HERPUD2: variants seen among roughly 807,000 people sequenced by gnomAD.
HERPUD2 encodes the protein homocysteine-responsive endoplasmic reticulum-resident ubiquitin-like domain member 2 protein.
Under a neutral mutation model 49.9 loss-of-function variants are expected in HERPUD2, and 13 were observed. The ratio of observed to expected loss-of-function variants is 0.26; its 90% CI spans 0.17 to 0.41. The LOEUF (loss-of-function observed/expected upper bound fraction) is 0.41, where lower values mean the gene tolerates loss of function less well. HERPUD2 is among the 10% of genes least tolerant of loss of function. The probability of loss-of-function intolerance (pLI) is 1.00; values close to 1 mark genes in which losing one functional copy is unlikely to be tolerated. For synonymous variants in HERPUD2, 172 were observed against 171.4 expected (o/e 1.00, Z -0.03); for missense variants, 449 against 492.2 (o/e 0.91, Z 0.83).
chr7:35,653,733 C>T (rs1324248836), intron 5 of HERPUD2, among the ~76,000 whole-genome samples: 6 of 150,742 alleles, frequency 4.0e-5, no homozygotes, highest in Non-Finnish European at 8.9e-5. Context: ...AACGGAATAA[C>T]ACTAGAAATC....
chr7:35,664,124 A>G (rs909578687), intron 5 of HERPUD2, among the ~76,000 whole-genome samples: 9 of 152,144 alleles, frequency 5.9e-5, no homozygotes, highest in African/African-American at 1.9e-4. Context: ...GTTTGTCTGT[A>G]AAGGATTTTA....
intron 2 of HERPUD2, among the ~76,000 whole-genome samples, chr7:35,682,109 C>A (rs1336928479): frequency 1.3e-5 from 2 of 151,910 alleles, no homozygotes; most frequent in Non-Finnish European, 2.9e-5. Context: ...ATGGTATCAG[C>A]TCACTGCAAC....
chr7:35,649,550 T>C (rs1447702910), intron 5 of HERPUD2, among the ~76,000 whole-genome samples: 1 of 152,174 alleles, frequency 6.6e-6, no homozygotes, highest in Non-Finnish European at 1.5e-5. Context: ...GGGGATACCC[T>C]AGTTTTATAC....
chr7:35,694,097 A>T, intron 2 of HERPUD2, 87 bp downstream of exon 2: 1 of 1,415,610 alleles, frequency 7.1e-7, no homozygotes, highest in South Asian at 1.2e-5. Context: ...TTGATTCAAG[A>T]CTGGAGGGGA....
chr7:35,672,948 C>A (rs543939969), intron 3 of HERPUD2, among the ~76,000 whole-genome samples: 1 of 152,148 alleles, frequency 6.6e-6, no homozygotes, highest in East Asian at 1.9e-4. Context: ...CATTTTCTTA[C>A]AAAAAATGAC....
intron 2 of HERPUD2, among the ~76,000 whole-genome samples, chr7:35,693,555 CT>C (rs950369084): frequency 1.1e-3 from 159 of 144,252 alleles, no homozygotes; most frequent in Admixed American, 9.7e-4. Flanking sequence ...AGTGCTTTAT[CT>C]TTTTTTTTTT....
intron 5 of HERPUD2, among the ~76,000 whole-genome samples, chr7:35,658,197 G>A (rs957390104): frequency 9.9e-5 from 15 of 152,126 alleles, no homozygotes; most frequent in African/African-American, 3.6e-4. Context: ...GGCACTGGAG[G>A]TCATTATGTT....
intron 5 of HERPUD2, among the ~76,000 whole-genome samples, chr7:35,644,060 C>A (rs1785009709): frequency 1.3e-5 from 2 of 151,914 alleles, no homozygotes; most frequent in Non-Finnish European, 2.9e-5. Flanking sequence ...ACAAATAAAG[C>A]AAATAAGTAA....
intron 5 of HERPUD2, among the ~76,000 whole-genome samples, chr7:35,664,108 G>C (rs1414537722): frequency 1.3e-5 from 2 of 152,112 alleles, no homozygotes; most frequent in Non-Finnish European, 2.9e-5. Flanking sequence ...AAATCTCTCA[G>C]CATTTGTTTG....
rs867817120 is a variant in HERPUD2, at chr7:35,682,369, A to G, written c.148-9091T>C. ...TGTGTGTGTGTGTGTATATATATAT[A>G]TATATATATATATATATACTTAATC... On this transcript the variant is annotated intron_variant, in intron 2 of 8. Coordinates refer to ENST00000311350, the MANE Select transcript of HERPUD2 (RefSeq NM_022373.5). Among the ~76,000 whole-genome samples, 35 of 106,460 alleles carry G rather than the reference A, an allele frequency of 3.3e-4. 3 individuals are homozygous for G. The highest frequency in any genetic ancestry group is 7.8e-4 in the African/African-American group (26 of 33,266). The allele number at this position is 106,460 out of a possible 152,430, so 69.8% of individuals were successfully genotyped here. A position where few individuals can be genotyped will look rare whatever the true frequency, so the allele number is the denominator to read the frequency against.
chr7:35,687,558 T>C (rs1036844419), intron 2 of HERPUD2, among the ~76,000 whole-genome samples: 1 of 152,332 alleles, frequency 6.6e-6, no homozygotes, highest in Non-Finnish European at 1.5e-5. Flanking sequence ...GCTGCTTAAC[T>C]AGCTGGCCGA....
intron 3 of HERPUD2, among the ~76,000 whole-genome samples, chr7:35,672,475 A>C (rs1785663496): frequency 6.6e-6 from 1 of 152,012 alleles, no homozygotes; most frequent in Non-Finnish European, 1.5e-5. Context: ...AGGTGATCAT[A>C]AACATACAGG....
At chr7:35,662,041 T>C (rs766597784) in intron 5 of HERPUD2, among the ~76,000 whole-genome samples, 1 of 152,250 alleles carries the variant, frequency 6.6e-6, no homozygotes, top group Non-Finnish European at 1.5e-5. Flanking sequence ...TATTTTGAGA[T>C]ACGTCCCATC....
chr7:35,649,138 C>T (rs1785112271), intron 5 of HERPUD2, among the ~76,000 whole-genome samples: 1 of 151,814 alleles, frequency 6.6e-6, no homozygotes, highest in Admixed American at 6.6e-5. Flanking sequence ...GTAGTCCCAG[C>T]TACTTGGGAG....
chr7:35,682,353 GTGTGTATATATATATATATATA>G (rs1785928323), intron 2 of HERPUD2, among the ~76,000 whole-genome samples: 4 of 27,564 alleles, frequency 1.5e-4, no homozygotes, highest in East Asian at 1.9e-3. Flanking sequence ...GTGTGTGTGT[GTGTGTATATATATATATATATA>G]TATATATATA....
chr7:35,634,151 A>C (rs1257806090), intron 8 of HERPUD2, among the ~76,000 whole-genome samples, 161 bp downstream of exon 8: 3 of 152,254 alleles, frequency 2.0e-5, no homozygotes, highest in Admixed American at 2.0e-4. Flanking sequence ...TAATATTCTA[A>C]GTTCTCCCAA....
At chr7:35,643,704 G>A (rs181400272) in intron 5 of HERPUD2, among the ~76,000 whole-genome samples, 1 of 150,880 alleles carries the variant, frequency 6.6e-6, no homozygotes, top group Admixed American at 6.6e-5. Flanking sequence ...TTATGGAAAG[G>A]AAGAGAACAA....
chr7:35,645,828 A>C (rs1785045070), intron 5 of HERPUD2, among the ~76,000 whole-genome samples: 1 of 152,232 alleles, frequency 6.6e-6, no homozygotes, highest in Non-Finnish European at 1.5e-5. Flanking sequence ...TATCTCTAGA[A>C]TAATACAGGG....
At chr7:35,664,977 A>G (rs1478009054) in intron 5 of HERPUD2, among the ~76,000 whole-genome samples, 1 of 152,108 alleles carries the variant, frequency 6.6e-6, no homozygotes, top group Non-Finnish European at 1.5e-5. Flanking sequence ...TTCCTCTGGA[A>G]GCTTCATCTC....
Sources: allele counts gnomAD v4.1 joint callset (sites outside exome capture counted in the v4.1 genomes callset), GRCh38; gene constraint gnomAD v4.1.1; transcripts MANE v1.5; gene names NCBI Gene and HGNC (gene_info 2026-07-23, HGNC 2026-07-21).